Variants in AGBL3 observed in about 807,000 individuals in gnomAD.
The protein encoded by AGBL3 is AGBL carboxypeptidase 3.
Under a neutral mutation model 94.5 loss-of-function variants are expected in AGBL3, and 68 were observed. The ratio of observed to expected loss-of-function variants is 0.72; its 90% CI spans 0.59 to 0.88. AGBL3 has a LOEUF of 0.88. Ranked by LOEUF, AGBL3 falls within the 40% of genes least tolerant of loss-of-function variation. The probability of loss-of-function intolerance (pLI) is 0.00; values close to 1 mark genes in which losing one functional copy is unlikely to be tolerated. For missense variants in AGBL3, 934 were observed against 1,103.8 expected (o/e 0.85, Z 2.18); for synonymous variants, 354 against 370.7 (o/e 0.95, Z 0.52).
intron 4 of AGBL3, among the ~76,000 whole-genome samples, chr7:135,009,103 G>C (rs1260000385): frequency 6.6e-6 from 1 of 152,168 alleles, no homozygotes; most frequent in Non-Finnish European, 1.5e-5. Flanking sequence ...GTTACTATTT[G>C]ACCCAGCAGT....
chr7:135,086,964 T>A (rs1478571888), intron 15 of AGBL3, among the ~76,000 whole-genome samples: 3 of 152,044 alleles, frequency 2.0e-5, no homozygotes, highest in Non-Finnish European at 4.4e-5. Flanking sequence ...TCTACAGTGA[T>A]GTAATCAAGT....
intron 8 of AGBL3, among the ~76,000 whole-genome samples, chr7:135,042,602 T>C (rs538148066): frequency 5.1e-4 from 77 of 152,226 alleles, no homozygotes; most frequent in African/African-American, 1.8e-3. Context: ...CAGGAATCTA[T>C]ATGTGTGTTA....
In AGBL3 at chr7:135,081,457, T is replaced by C. The variant is rs116821667; in HGVS notation, c.2039-262T>C. ...TCCTATTGTAAACAACAATGAAAAC[T>C]TTATAACTGTCTATTTGTGTGTTTT... On this transcript the variant is annotated intron_variant, in intron 14 of 16. Coordinates refer to ENST00000436302, the MANE Select transcript of AGBL3 (RefSeq NM_178563.4). Among the ~76,000 whole-genome samples the C allele has an allele frequency of 2.1e-3, 319 of 152,262 alleles. 1 individual carries two copies. The highest frequency in any genetic ancestry group is 7.0e-3 in the African/African-American group (290 of 41,572).
chr7:135,034,777 G>T lies in AGBL3; in HGVS notation c.1186G>T (p.Val396Phe). 1 of 1,552,036 alleles carries T rather than the reference G, an allele frequency of 6.4e-7. No individual in the cohort carries two copies. Among genetic ancestry groups the T allele is most frequent in the South Asian group, 1.2e-5 (1 of 84,014 alleles). Reference sequence around the variant, plus strand: ...TGCACAGTTGCTTCGGGACACTTTTGTCTTCAAGGTGGTACCCATGCTCAA... The same window carrying T: ...TGCACAGTTGCTTCGGGACACTTTTTTCTTCAAGGTGGTACCCATGCTCAA... ...SDAQLLRDTFVFKVVPMLNPD... is the reference protein window; with the variant it reads ...SDAQLLRDTFFFKVVPMLNPD... The change falls in exon 7 of 17, where the codon GTC becomes TTC. Residue 396 changes from valine (V) to phenylalanine (F), a missense_variant. Physicochemically the swap from Val to Phe is conservative, Grantham distance 50. Around this residue, in one of 3 missense-constraint regions of AGBL3, gnomAD observed 488 missense variants for 563.6 expected, o/e 0.87. Coordinates refer to ENST00000436302, the MANE Select transcript of AGBL3 (RefSeq NM_178563.4).
chr7:135,090,983 C>A (rs1189894492), intron 15 of AGBL3, among the ~76,000 whole-genome samples: 1 of 152,262 alleles, frequency 6.6e-6, no homozygotes, highest in East Asian at 1.9e-4. Flanking sequence ...CTAGTGGAGT[C>A]CAGGCAGCTC....
intron 5 of AGBL3, among the ~76,000 whole-genome samples, chr7:135,021,057 A>T (rs557754999): frequency 0.026 from 553 of 21,542 alleles, 1 homozygote; most frequent in African/African-American, 0.03. Flanking sequence ...TAAATAATAA[A>T]AAAAAAAAAA....
chr7:135,128,927 C>G, intron 16 of AGBL3: 1 of 1,534,446 alleles, frequency 6.5e-7, no homozygotes, highest in Non-Finnish European at 9.0e-7. Flanking sequence ...TGTTCCTGTG[C>G]AATATCTGTT....
chr7:134,993,825 T>C (rs1810620430), intron 4 of AGBL3, 147 bp downstream of exon 4: 2 of 768,760 alleles, frequency 2.6e-6, no homozygotes, highest in Non-Finnish European at 3.7e-6. Context: ...TAAATTTGCT[T>C]GTAGCCACAT....
chr7:135,044,011 TTGC>T lies in AGBL3; in HGVS notation c.1501-9_1501-7del. The T allele has an allele frequency of 7.1e-6, 11 of 1,546,264 alleles. No homozygotes were observed. The highest frequency in any genetic ancestry group is 9.6e-6 in the Non-Finnish European group (11 of 1,143,536). On this transcript the variant is annotated splice_polypyrimidine_tract_variant and intron_variant, in intron 8 of 16. Coordinates refer to ENST00000436302, the MANE Select transcript of AGBL3 (RefSeq NM_178563.4). Reference sequence around the variant, plus strand: ...CCAGAACAACGAGTCTCATTTTTATTTGCTGCTTTTCAGTTTTCATTCTCAGCT... The same window carrying T: ...CCAGAACAACGAGTCTCATTTTTATTTGCTTTTCAGTTTTCATTCTCAGCT...
intron 16 of AGBL3, among the ~76,000 whole-genome samples, chr7:135,134,616 A>C (rs2117374179): frequency 6.6e-6 from 1 of 152,188 alleles, no homozygotes; most frequent in Non-Finnish European, 1.5e-5. Flanking sequence ...GTAGGTATCC[A>C]AATAAACATA....
intron 15 of AGBL3, chr7:135,094,542 C>T (rs1350075370): frequency 1.1e-5 from 5 of 456,598 alleles, no homozygotes; most frequent in African/African-American, 4.0e-5. Context: ...TCAGGAATCC[C>T]ACCAGGTTCT....
At chr7:135,010,077 G>A in intron 4 of AGBL3, 1 of 426,912 alleles carries the variant, frequency 2.3e-6, no homozygotes, top group Non-Finnish European at 4.6e-6. Context: ...TCACCAGGCT[G>A]GAGCGCAGTG....
chr7:135,063,476 C>T (rs1411650590), intron 12 of AGBL3, among the ~76,000 whole-genome samples: 2 of 151,980 alleles, frequency 1.3e-5, no homozygotes, highest in Non-Finnish European at 2.9e-5. Context: ...TCAGCCCCAG[C>T]TCAAAAGATC....
chr7:135,031,864 T>C (rs1241157573), intron 5 of AGBL3, among the ~76,000 whole-genome samples: 1 of 152,192 alleles, frequency 6.6e-6, no homozygotes, highest in Non-Finnish European at 1.5e-5. Context: ...GCAGTGGTGC[T>C]CTCTCCTGTC....
At chr7:135,063,184 T>A (rs971920219) in intron 12 of AGBL3, among the ~76,000 whole-genome samples, 1 of 152,146 alleles carries the variant, frequency 6.6e-6, no homozygotes, top group Non-Finnish European at 1.5e-5. Flanking sequence ...ATGATCCTAT[T>A]TCTGTGGTGT....
At chr7:135,049,305 T>C (rs1208213619) in intron 11 of AGBL3, among the ~76,000 whole-genome samples, 1 of 152,004 alleles carries the variant, frequency 6.6e-6, no homozygotes, top group Non-Finnish European at 1.5e-5. Flanking sequence ...CCTTTTAATG[T>C]GTTGTTACAT....
intron 15 of AGBL3, among the ~76,000 whole-genome samples, chr7:135,088,393 T>C (rs1821502606): frequency 6.6e-6 from 1 of 152,138 alleles, no homozygotes; most frequent in Admixed American, 6.5e-5. Context: ...TTCTCTCTTA[T>C]TGTTTATCAT....
intron 4 of AGBL3, among the ~76,000 whole-genome samples, chr7:134,999,424 G>C (rs947419569): frequency 1.1e-4 from 16 of 152,118 alleles, no homozygotes; most frequent in Non-Finnish European, 2.4e-4. Context: ...TTTGTATTTT[G>C]TGCCTCAGAG....
intron 15 of AGBL3, among the ~76,000 whole-genome samples, chr7:135,097,586 A>T (rs1823097151): frequency 1.3e-5 from 2 of 152,130 alleles, no homozygotes; most frequent in Non-Finnish European, 2.9e-5. Context: ...CTTACCCACT[A>T]AATGTCTTCC....
Sources: allele counts gnomAD v4.1 joint callset (sites outside exome capture counted in the v4.1 genomes callset), GRCh38; gene constraint gnomAD v4.1.1; regional missense constraint gnomAD v4.1.1; transcripts MANE v1.5; gene names NCBI Gene and HGNC (gene_info 2026-07-23, HGNC 2026-07-21).